Variants in CCDC175 observed in about 807,000 individuals in gnomAD.
CCDC175 encodes coiled-coil domain containing 175.
Under a neutral mutation model 114.6 loss-of-function variants are expected in CCDC175, and 100 were observed. The observed-to-expected ratio is 0.87, with a 90% CI of 0.74 to 1.03. The LOEUF (loss-of-function observed/expected upper bound fraction) is 1.03. CCDC175 is among the 50% of genes least tolerant of loss of function. The pLI is 0.00. For missense variants in CCDC175, 880 were observed against 917.8 expected (o/e 0.96, Z 0.53); for synonymous variants, 306 against 308.7 (o/e 0.99, Z 0.09).
rs1595011789 is a variant in CCDC175 at position 59,531,684 on chromosome 14, C to G, written c.1762+88G>C. On this transcript the variant is annotated intron_variant, in intron 14 of 19. Transcript: ENST00000537690. ...AAAGTTTGGTGAGTTTCACCATTGG[C>G]TTGTAACTGATGACCTCCTTGTGTT... 8.4e-6 allele frequency: 8 copies of G among 951,600 alleles called. No homozygotes were observed. The East Asian group carries it at 2.3e-4, about 28-fold the overall frequency. 58.9% of individuals were successfully genotyped at this position (951,600 alleles called of 1,614,324 possible).
At chr14:59,519,328 AG>A (rs1025056824) in intron 17 of CCDC175, among the ~76,000 whole-genome samples, 1 of 152,210 alleles carries the variant, frequency 6.6e-6, no homozygotes, top group Non-Finnish European at 1.5e-5. Flanking sequence ...ATAAAAAAAA[AG>A]TTCACTTGAA....
At chr14:59,552,870 T>C (rs1895614966) in intron 7 of CCDC175, among the ~76,000 whole-genome samples, 1 of 97,066 alleles carries the variant, frequency 1.0e-5, no homozygotes, top group South Asian at 3.2e-4. Context: ...GTATCAGTGA[T>C]TGAAATCAAA....
rs539482830 is a variant in CCDC175 at position 59,572,076 on chromosome 14, G to C, written c.355+626C>G. On this transcript the variant is annotated intron_variant, in intron 3 of 19. Coordinates refer to ENST00000537690, the MANE Select transcript of CCDC175 (RefSeq NM_001164399.2). The stretch of plus-strand genomic sequence containing the variant: ...AATTCAAAAAAAAAATCAGAAATTG[G>C]AAACACTTCTAGTCACAACTGTTTT... Among the ~76,000 whole-genome samples, 45 of 152,172 alleles carry C rather than the reference G, an allele frequency of 3.0e-4. No homozygotes were observed. The South Asian group carries it at 9.3e-3, about 32-fold the overall frequency.
intron 11 of CCDC175, among the ~76,000 whole-genome samples, chr14:59,539,344 G>A (rs562039811): frequency 4.6e-4 from 69 of 150,736 alleles, no homozygotes; most frequent in African/African-American, 1.6e-3. Context: ...TTGGGAGGCC[G>A]AGGCGGGCAG....
At position 59,505,222 on chromosome 14, in the gene CCDC175, G is replaced by A; in HGVS notation, c.*17C>T. 7.4e-7 allele frequency: 1 copy of A among 1,358,594 alleles called. No individual in the cohort carries two copies. Among genetic ancestry groups the A allele is most frequent in the Non-Finnish European group, 9.9e-7 (1 of 1,006,036 alleles). The allele number at this position is 1,358,594 out of a possible 1,614,324, so 84.2% of individuals were successfully genotyped here. ...TAGTAGTCTGTCTTTTGAATTCACA[G>A]CAGTTGTATCCTTGAGTTACTTTGT... On this transcript the variant is annotated 3_prime_UTR_variant, in exon 20 of 20. Transcript: ENST00000537690.
intron 4 of CCDC175, among the ~76,000 whole-genome samples, chr14:59,567,744 TG>T: frequency 6.6e-6 from 1 of 152,326 alleles, no homozygotes; most frequent in South Asian, 2.1e-4. Context: ...AACCCTGTCC[TG>T]GGAACCAGCC....
chr14:59,543,303 G>A, intron 10 of CCDC175, 41 bp downstream of exon 10: 1 of 683,318 alleles, frequency 1.5e-6, no homozygotes, highest in South Asian at 2.3e-5. Flanking sequence ...AATAAATGCA[G>A]AGAAAGTAAA....
intron 17 of CCDC175, among the ~76,000 whole-genome samples, chr14:59,520,282 T>C (rs1480037803): frequency 6.6e-6 from 1 of 152,158 alleles, no homozygotes; most frequent in Non-Finnish European, 1.5e-5. Flanking sequence ...ATGACCAAAA[T>C]ATTAACAATT....
At chr14:59,533,983 CT>C (rs1377011108) in intron 13 of CCDC175, among the ~76,000 whole-genome samples, 13 of 36,810 alleles carry the variant, frequency 3.5e-4, no homozygotes, top group African/African-American at 1.7e-3. Flanking sequence ...GGTGAGACCC[CT>C]TTTAAAAAAA....
At chr14:59,555,483 T>C (rs1028165803) in intron 7 of CCDC175, among the ~76,000 whole-genome samples, 6 of 152,142 alleles carry the variant, frequency 3.9e-5, no homozygotes, top group East Asian at 1.9e-4. Context: ...TAAGAGCTAT[T>C]TATGACAAAC....
At chr14:59,545,129 G>A (rs900415942) in intron 9 of CCDC175, 34 bp downstream of exon 9, 7 of 1,522,886 alleles carry the variant, frequency 4.6e-6, no homozygotes, top group Non-Finnish European at 6.1e-6. Flanking sequence ...CATAATGATG[G>A]CATGTTGAAT....
At chr14:59,532,216 ATC>A (rs1329425609) in intron 13 of CCDC175, among the ~76,000 whole-genome samples, 1 of 152,246 alleles carries the variant, frequency 6.6e-6, no homozygotes, top group Non-Finnish European at 1.5e-5. Context: ...CCAAAAACAT[ATC>A]TGAGAAAATT....
At chr14:59,522,951 G>A (rs1241659146) in intron 16 of CCDC175, among the ~76,000 whole-genome samples, 1 of 151,522 alleles carries the variant, frequency 6.6e-6, no homozygotes, top group Non-Finnish European at 1.5e-5. Flanking sequence ...CAGTGCTTGG[G>A]ACTCAGTGCA....
intron 3 of CCDC175, among the ~76,000 whole-genome samples, chr14:59,568,647 C>T (rs1200690328): frequency 1.3e-5 from 2 of 152,258 alleles, no homozygotes; most frequent in East Asian, 3.9e-4. Flanking sequence ...GTTCCATGCA[C>T]TTCTCACCTC....
chr14:59,573,159 C>G (rs1312572906), intron 2 of CCDC175, among the ~76,000 whole-genome samples: 4 of 151,970 alleles, frequency 2.6e-5, no homozygotes. Context: ...TGGAAATTGC[C>G]TATAAAAATA....
At chr14:59,568,150 C>A in intron 4 of CCDC175, 95 bp downstream of exon 4, 1 of 1,255,130 alleles carries the variant, frequency 8.0e-7, no homozygotes, top group Non-Finnish European at 1.1e-6. Context: ...CTCGCCCTGC[C>A]ACAGTTCAGA....
chr14:59,563,943 C>A (rs1896372140), intron 5 of CCDC175, 84 bp from the exon 6 acceptor site: 2 of 874,734 alleles, frequency 2.3e-6, no homozygotes, highest in South Asian at 3.5e-5. Context: ...CAGTGTCAAC[C>A]TAATTCATAT....
At chr14:59,525,194 A>C in intron 16 of CCDC175, 88 bp downstream of exon 16, 1 of 1,034,462 alleles carries the variant, frequency 9.7e-7, no homozygotes, top group South Asian at 2.2e-5. Context: ...ATTTTTCAAG[A>C]GCTATTCTCT....
At chr14:59,520,964 C>A (rs921090682) in intron 17 of CCDC175, among the ~76,000 whole-genome samples, 3 of 152,080 alleles carry the variant, frequency 2.0e-5, no homozygotes, top group Non-Finnish European at 4.4e-5. Flanking sequence ...AAAATGGGTG[C>A]ATTTTTTGTA....
Sources: gnomAD v4.1 joint callset for allele counts (sites outside exome capture counted in the v4.1 genomes callset) on GRCh38, gnomAD v4.1.1 for gene constraint, MANE v1.5 for transcripts, NCBI Gene and HGNC (gene_info 2026-07-23, HGNC 2026-07-21) for gene names.